NDUFAF6: variants seen among roughly 807,000 people sequenced by gnomAD.
NDUFAF6 encodes NADH:ubiquinone oxidoreductase complex assembly factor 6, also known as NADH dehydrogenase (ubiquinone) complex I, assembly factor 6.
NDUFAF6 carries 45 observed loss-of-function variants against 40.8 expected under a neutral mutation model. That is an observed-to-expected ratio of 1.10 (90% CI 0.87 to 1.42). The LOEUF (loss-of-function observed/expected upper bound fraction) is 1.42, where lower values mean the gene tolerates loss of function less well. Ranked by LOEUF, NDUFAF6 falls within the 40% of genes most tolerant of loss-of-function variation. The pLI, the probability that NDUFAF6 is intolerant of heterozygous loss-of-function variation, is 0.00. For missense variants in NDUFAF6, 435 were observed against 418.5 expected (o/e 1.04, Z -0.34); for synonymous variants, 185 against 155.9 (o/e 1.19, Z -1.39).
At chr8:94,990,209 A>G (rs1251952658) in intron 2 of NDUFAF6, among the ~76,000 whole-genome samples, 2 of 152,216 alleles carry the variant, frequency 1.3e-5, no homozygotes, top group Non-Finnish European at 2.9e-5. Flanking sequence ...GCTTTGCTGA[A>G]AGACAAGGAC....
intron 2 of NDUFAF6, among the ~76,000 whole-genome samples, chr8:95,009,200 T>TA (rs530155825): frequency 0.034 from 4,535 of 133,648 alleles, 67 homozygotes; most frequent in South Asian, 0.047. Flanking sequence ...ACCCTATCTC[T>TA]AAAAAAAAAA....
intron 1 of NDUFAF6, chr8:94,939,739 C>T (rs759296991): frequency 9.4e-5 from 131 of 1,387,564 alleles, no homozygotes; most frequent in Non-Finnish European, 1.3e-4. Flanking sequence ...TATGCACATG[C>T]TTTCATAAAT....
intron 1 of NDUFAF6, chr8:94,927,237 C>G (rs1819973193): frequency 6.6e-6 from 1 of 152,500 alleles, no homozygotes; most frequent in Non-Finnish European, 1.5e-5. Flanking sequence ...CTTCCTTGCT[C>G]GTTTTTCTTA....
chr8:94,939,472 A>G (rs375351278), intron 1 of NDUFAF6, among the ~76,000 whole-genome samples: 3 of 152,274 alleles, frequency 2.0e-5, no homozygotes, highest in South Asian at 2.1e-4. Context: ...TCTTGACTCA[A>G]TGCAACCTCT....
At chr8:95,056,428 G>T (rs926406747) in intron 8 of NDUFAF6, among the ~76,000 whole-genome samples, 1 of 151,956 alleles carries the variant, frequency 6.6e-6, no homozygotes, top group Non-Finnish European at 1.5e-5. Context: ...GCCCAGGCTA[G>T]TCTTGAACTC....
intron 8 of NDUFAF6, among the ~76,000 whole-genome samples, chr8:95,054,915 T>C (rs1018317883): frequency 2.0e-5 from 3 of 152,250 alleles, no homozygotes; most frequent in Non-Finnish European, 4.4e-5. Flanking sequence ...AAAAACTCTT[T>C]GAATATGACT....
chr8:94,956,270 G>C (rs761145442), upstream of NDUFAF6, among the ~76,000 whole-genome samples: 2 of 152,168 alleles, frequency 1.3e-5, no homozygotes, highest in African/African-American at 4.8e-5. Flanking sequence ...GTTTTCCAGC[G>C]TTTGGGCAAG....
chr8:94,980,446 T>TTG (rs1554647431), intron 1 of NDUFAF6, among the ~76,000 whole-genome samples: 97 of 142,830 alleles, frequency 6.8e-4, no homozygotes, highest in African/African-American at 2.4e-3. Flanking sequence ...TTTTTTGTTT[T>TTG]TTTTTTTTTT....
At chr8:94,908,964 C>T (rs1049883952) in intron 1 of NDUFAF6, among the ~76,000 whole-genome samples, 2 of 152,124 alleles carry the variant, frequency 1.3e-5, no homozygotes, top group Non-Finnish European at 2.9e-5. Flanking sequence ...CATCACAAAT[C>T]CTGAACCCCT....
At chr8:94,897,706 C>CTTTTTTTTTTTTTTTTTTTT (rs11432186) in intron 1 of NDUFAF6, among the ~76,000 whole-genome samples, 1 of 131,944 alleles carries the variant, frequency 7.6e-6, no homozygotes, top group Non-Finnish European at 1.6e-5. Context: ...TATTCTGTGC[C>CTTTTTTTTTTTTTTTTTTTT]TTTTTTTTTT....
rs890297141 is a variant in NDUFAF6 at position 95,058,102 on chromosome 8, A to T, written c.*165A>T. ...GAAGTTGCCGTGGGACTAGGGTGCC[A>T]AGACTGCTGAGATTCTGGCAGAGGC... On this transcript the variant is annotated 3_prime_UTR_variant, in exon 9 of 9. Transcript: ENST00000396124. 4 of 1,451,474 alleles carry T rather than the reference A, an allele frequency of 2.8e-6. No homozygotes were observed. The highest frequency in any genetic ancestry group is 2.7e-6 in the Non-Finnish European group (3 of 1,112,428). 89.9% of individuals were successfully genotyped at this position (1,451,474 alleles called of 1,614,324 possible).
At chr8:94,970,996 G>T (rs1471599913) in intron 1 of NDUFAF6, among the ~76,000 whole-genome samples, 1 of 152,204 alleles carries the variant, frequency 6.6e-6, no homozygotes, top group Non-Finnish European at 1.5e-5. Context: ...TTCTGTGCTG[G>T]CTTCTCTGCC....
chr8:95,047,097 GGT>G lies in NDUFAF6; in HGVS notation c.687_688del (p.Phe230ProfsTer23). The part of the protein sequence containing the change: ...ATPYHGSRRK[V>X]FLPMDICMLH... ...CACCATATCATGGGAGCAGAAGAAA[GGT>G]GTTCCTTCCCATGGATATTTGTATG... On this transcript the variant is annotated frameshift_variant, in exon 6 of 9. Coordinates refer to ENST00000396124, the MANE Select transcript of NDUFAF6 (RefSeq NM_152416.4). LOFTEE classifies it high-confidence loss of function. 1 of 1,614,154 alleles carries G rather than the reference GGT, an allele frequency of 6.2e-7. No homozygotes were observed. Among genetic ancestry groups the G allele is most frequent in the Non-Finnish European group, 8.5e-7 (1 of 1,180,022 alleles).
At chr8:94,897,031 T>C (rs1382204892) in intron 1 of NDUFAF6, among the ~76,000 whole-genome samples, 2 of 152,090 alleles carry the variant, frequency 1.3e-5, no homozygotes, top group East Asian at 3.9e-4. Flanking sequence ...AAAACGCAGT[T>C]AGCGGTATAG....
chr8:94,916,816 C>CAAAAAAA (rs549687775), intron 1 of NDUFAF6, among the ~76,000 whole-genome samples: 1 of 96,678 alleles, frequency 1.0e-5, no homozygotes, highest in East Asian at 3.0e-4. Flanking sequence ...GACTCCATAT[C>CAAAAAAA]AAAAAAAAAA....
At chr8:95,015,963 T>C (rs1439566028) in intron 2 of NDUFAF6, among the ~76,000 whole-genome samples, 3 of 152,198 alleles carry the variant, frequency 2.0e-5, no homozygotes, top group African/African-American at 4.8e-5. Flanking sequence ...GCAAAGGCTT[T>C]AAAGAGCTTA....
intron 2 of NDUFAF6, among the ~76,000 whole-genome samples, chr8:94,982,007 A>G (rs1457849307): frequency 6.6e-6 from 1 of 152,020 alleles, no homozygotes; most frequent in Admixed American, 6.6e-5. Context: ...AGGAGGGTGG[A>G]TCACGAGGTC....
intron 1 of NDUFAF6, chr8:94,940,130 C>T: frequency 6.2e-7 from 1 of 1,614,178 alleles, no homozygotes; most frequent in Non-Finnish European, 8.5e-7. Flanking sequence ...TGCCGGTAAA[C>T]AGGAAAAGAC....
chr8:94,957,373 A>G (rs915957247), upstream of NDUFAF6, among the ~76,000 whole-genome samples: 3 of 152,110 alleles, frequency 2.0e-5, no homozygotes, highest in African/African-American at 7.2e-5. Context: ...GGAGCTAGGG[A>G]GAGATTATGG....
Sources: gnomAD v4.1 joint callset for allele counts (sites outside exome capture counted in the v4.1 genomes callset) on GRCh38, gnomAD v4.1.1 for gene constraint, MANE v1.5 for transcripts, NCBI Gene and HGNC (gene_info 2026-07-23, HGNC 2026-07-21) for gene names.